The following CTNNA2 variants were observed in gnomAD, a reference collection of about 807,000 sequenced individuals.
The protein encoded by CTNNA2 is catenin alpha-2.
In CTNNA2, 42 loss-of-function variants were observed where a neutral mutation model predicts 101.0. The ratio of observed to expected loss-of-function variants is 0.42; its 90% CI spans 0.32 to 0.54. The LOEUF (loss-of-function observed/expected upper bound fraction) is 0.54. CTNNA2 is among the 20% of genes least tolerant of loss of function. The pLI is 0.14. For missense variants in CTNNA2, 871 were observed against 1,223.1 expected (o/e 0.71, Z 4.29); for synonymous variants, 450 against 456.4 (o/e 0.99, Z 0.18).
intron 2 of CTNNA2, among the ~76,000 whole-genome samples, chr2:79,736,434 A>G (rs1458380072): frequency 1.3e-5 from 2 of 152,224 alleles, no homozygotes; most frequent in Non-Finnish European, 2.9e-5. Flanking sequence ...TTAACTGGTC[A>G]TTAAAACCTG....
At chr2:80,529,918 A>G (rs973348874) in intron 9 of CTNNA2, among the ~76,000 whole-genome samples, 1 of 152,122 alleles carries the variant, frequency 6.6e-6, no homozygotes, top group African/African-American at 2.4e-5. Context: ...TTTGAAGGGC[A>G]CCATGGGGCT....
At chr2:79,731,844 T>C (rs1389025104) in intron 2 of CTNNA2, among the ~76,000 whole-genome samples, 1 of 151,792 alleles carries the variant, frequency 6.6e-6, no homozygotes, top group African/African-American at 2.4e-5. Context: ...TTTTGTTTTT[T>C]TTTTTTACCA....
intron 7 of CTNNA2, among the ~76,000 whole-genome samples, chr2:80,073,935 G>A (rs1010852735): frequency 6.6e-6 from 1 of 151,870 alleles, no homozygotes; most frequent in Non-Finnish European, 1.5e-5. Flanking sequence ...CTCTATTTCT[G>A]ATATTTTCTA....
At chr2:80,248,466 G>T (rs911309164) in intron 7 of CTNNA2, among the ~76,000 whole-genome samples, 1 of 152,130 alleles carries the variant, frequency 6.6e-6, no homozygotes, top group Non-Finnish European at 1.5e-5. Context: ...TCTAACTAAG[G>T]GTTTGCAGGG....
chr2:80,280,176 A>G (rs1013134235), intron 7 of CTNNA2, among the ~76,000 whole-genome samples: 2 of 146,758 alleles, frequency 1.4e-5, no homozygotes, highest in African/African-American at 4.9e-5. Flanking sequence ...AGTACAAAAC[A>G]AAAAAATGAA....
chr2:79,803,527 C>T (rs1033596290), intron 3 of CTNNA2, among the ~76,000 whole-genome samples: 2 of 152,238 alleles, frequency 1.3e-5, no homozygotes, highest in Non-Finnish European at 2.9e-5. Flanking sequence ...AGGCACAGAT[C>T]GCTTATGCTG....
chr2:79,224,843 C>T (rs1674388278), intron 2 of CTNNA2, among the ~76,000 whole-genome samples: 1 of 150,914 alleles, frequency 6.6e-6, no homozygotes, highest in African/African-American at 2.4e-5. Context: ...TGACTGTTCT[C>T]GGGCTGTATA....
chr2:80,019,260 G>T lies in CTNNA2; in HGVS notation c.1056+109463G>T, dbSNP rs371215557. Among the ~76,000 whole-genome samples, 3 of 152,272 alleles carry T rather than the reference G, an allele frequency of 2.0e-5. No individual in the cohort carries two copies. The East Asian group carries it at 5.8e-4, about 29-fold the overall frequency. On this transcript the variant is annotated intron_variant, in intron 7 of 18. Coordinates refer to ENST00000402739, the MANE Select transcript of CTNNA2 (RefSeq NM_001282597.3). ...GACTGACTGTACTCAGTAATACTGG[G>T]TGATTTGAATAATTTAAGTTGAGGC... is the stretch of plus-strand genomic sequence containing the variant.
chr2:79,740,506 C>CT (rs1418809396), intron 2 of CTNNA2, among the ~76,000 whole-genome samples: 1 of 152,040 alleles, frequency 6.6e-6, no homozygotes, highest in Non-Finnish European at 1.5e-5. Context: ...TAGACTGAGA[C>CT]TCTTGAATAC....
Position 79,682,220 on chromosome 2 carries a change from A to G in CTNNA2, c.102+30562A>G, listed in dbSNP as rs1480780300. ...TCAGGAGATCGAGACCATCCTGGCT[A>G]ACAAGGTGAAACCCCGTCTCTACTA... On this transcript the variant is annotated intron_variant, in intron 2 of 18. Transcript: ENST00000402739. 1.1e-4 allele frequency among the ~76,000 whole-genome samples: 17 copies of G among 151,964 alleles called. No homozygotes were observed. The East Asian group carries it at 2.9e-3, about 26-fold the overall frequency.
At chr2:80,603,870 A>C (rs1697768605) in intron 15 of CTNNA2, 1 of 540,878 alleles carries the variant, frequency 1.8e-6, no homozygotes, top group Non-Finnish European at 3.3e-6. Context: ...AAATGTGAAC[A>C]TGCACATAAA....
chr2:79,579,325 T>A (rs556396820), intron 1 of CTNNA2, among the ~76,000 whole-genome samples: 6 of 151,792 alleles, frequency 4.0e-5, no homozygotes, highest in South Asian at 2.1e-4. Context: ...TCATTTTTTT[T>A]ATCTGCTACC....
chr2:79,813,625 T>A (rs1164693721), intron 3 of CTNNA2, among the ~76,000 whole-genome samples: 1 of 151,912 alleles, frequency 6.6e-6, no homozygotes, highest in African/African-American at 2.4e-5. Flanking sequence ...TAAAGAGAGG[T>A]CTGGATTGGT....
At chr2:79,980,316 T>C (rs1169919251) in intron 7 of CTNNA2, among the ~76,000 whole-genome samples, 1 of 152,188 alleles carries the variant, frequency 6.6e-6, no homozygotes, top group African/African-American at 2.4e-5. Flanking sequence ...CATATACTCA[T>C]ATTTCATAGG....
In CTNNA2 at chr2:80,166,103, C is replaced by G. The variant is rs538735399; in HGVS notation, c.1057-227108C>G. On this transcript the variant is annotated intron_variant, in intron 7 of 18. Coordinates refer to ENST00000402739, the MANE Select transcript of CTNNA2 (RefSeq NM_001282597.3). ...AGAAATATATATTTGATCTTTGACC[C>G]TAGTTCCTGGCACAGAGCTCCAAAA... Among the ~76,000 whole-genome samples, 3 of 152,232 alleles carry G rather than the reference C, an allele frequency of 2.0e-5. No homozygotes were observed. In the South Asian group the frequency reaches 6.2e-4, roughly 32 times the overall value.
intron 7 of CTNNA2, among the ~76,000 whole-genome samples, chr2:80,219,770 T>C (rs1645715780): frequency 6.6e-6 from 1 of 152,210 alleles, no homozygotes; most frequent in African/African-American, 2.4e-5. Context: ...CCATTATTGA[T>C]TCATATTTCT....
At chr2:80,134,441 TAA>T (rs1357152549) in intron 7 of CTNNA2, among the ~76,000 whole-genome samples, 2 of 152,176 alleles carry the variant, frequency 1.3e-5, no homozygotes, top group African/African-American at 4.8e-5. Flanking sequence ...TGCAACCCGC[TAA>T]TGACCCAGCT....
At chr2:80,634,455 A>G (rs1162634549) in intron 18 of CTNNA2, among the ~76,000 whole-genome samples, 1 of 151,282 alleles carries the variant, frequency 6.6e-6, no homozygotes, top group Non-Finnish European at 1.5e-5. Context: ...TGAGCAGTAA[A>G]CAAGAAACCA....
intron 9 of CTNNA2, among the ~76,000 whole-genome samples, chr2:80,450,955 C>A (rs751849204): frequency 1.3e-5 from 2 of 151,396 alleles, no homozygotes; most frequent in Non-Finnish European, 2.9e-5. Flanking sequence ...TCATTAATAA[C>A]CTCCTGACCA....
Sources: allele counts gnomAD v4.1 joint callset (sites outside exome capture counted in the v4.1 genomes callset), GRCh38; gene constraint gnomAD v4.1.1; transcripts MANE v1.5; gene names NCBI Gene and HGNC (gene_info 2026-07-23, HGNC 2026-07-21).